Variants in SLC22A15 observed in about 807,000 individuals in gnomAD.
The protein encoded by SLC22A15 is flipt 1.
Under a neutral mutation model 62.7 loss-of-function variants are expected in SLC22A15, and 45 were observed. That is an observed-to-expected ratio of 0.72 (90% CI 0.56 to 0.92). The LOEUF (loss-of-function observed/expected upper bound fraction) is 0.92. Ranked by LOEUF, SLC22A15 falls within the 40% of genes least tolerant of loss-of-function variation. The probability of loss-of-function intolerance (pLI) is 0.00; values close to 1 mark genes in which losing one functional copy is unlikely to be tolerated. For missense variants in SLC22A15, 622 were observed against 665.6 expected, an observed-to-expected ratio of 0.93 and a Z score of 0.72; for synonymous variants, 264 against 267.0, an observed-to-expected ratio of 0.99 and a Z score of 0.11.
At chr1:115,985,962 AAG>A (rs1553215557) in intron 1 of SLC22A15, among the ~76,000 whole-genome samples, 1 of 151,206 alleles carries the variant, frequency 6.6e-6, no homozygotes, top group African/African-American at 2.4e-5. Flanking sequence ...AAAAAAAAAA[AAG>A]AGAGAGAAAC....
intron 6 of SLC22A15, among the ~76,000 whole-genome samples, chr1:116,033,583 G>GTGTGTGTGTGTGTA (rs1553223951): frequency 2.3e-4 from 34 of 145,734 alleles, no homozygotes; most frequent in African/African-American, 4.3e-4. Context: ...GTGTGTGTGT[G>GTGTGTGTGTGTGTA]TGTGTATGTG....
Position 116,046,582 on chromosome 1 carries a change from A to G in SLC22A15, c.1171+9194A>G, listed in dbSNP as rs1225461603. ...GATTGCTGCTCTGACTCAGATGAAC[A>G]GAGCGCTGTGTGGAGGCTCGCATCA... On this transcript the variant is annotated intron_variant, in intron 8 of 11. Transcript: ENST00000369503. Among the ~76,000 whole-genome samples, 4 of 152,206 alleles carry G rather than the reference A, an allele frequency of 2.6e-5. No individual in the cohort carries two copies. In the East Asian group the frequency reaches 7.7e-4, roughly 29 times the overall value.
At chr1:116,045,846 T>C (rs1657917329) in intron 8 of SLC22A15, among the ~76,000 whole-genome samples, 1 of 150,720 alleles carries the variant, frequency 6.6e-6, no homozygotes, top group African/African-American at 2.4e-5. Flanking sequence ...GAGTATGAAA[T>C]AGAACCACAT....
chr1:116,006,131 C>A (rs1203531803), intron 2 of SLC22A15, among the ~76,000 whole-genome samples: 1 of 152,112 alleles, frequency 6.6e-6, no homozygotes, highest in Non-Finnish European at 1.5e-5. Context: ...CTGTATGTAT[C>A]CTAATCTATA....
intron 8 of SLC22A15, among the ~76,000 whole-genome samples, chr1:116,050,020 A>G (rs1189910110): frequency 1.3e-5 from 2 of 152,162 alleles, no homozygotes; most frequent in African/African-American, 4.8e-5. Context: ...GTTCATGGAA[A>G]AATACAACCC....
At chr1:115,982,878 C>T (rs375888222) in intron 1 of SLC22A15, among the ~76,000 whole-genome samples, 1 of 152,208 alleles carries the variant, frequency 6.6e-6, no homozygotes, top group East Asian at 1.9e-4. Flanking sequence ...AAGAGGAAGA[C>T]ATGTTTCTGC....
chr1:116,051,879 G>C lies in SLC22A15; in HGVS notation c.1172-10883G>C, dbSNP rs546788270. On this transcript the variant is annotated intron_variant, in intron 8 of 11. Coordinates refer to ENST00000369503, the MANE Select transcript of SLC22A15 (RefSeq NM_018420.3). ...AACAGTAGCTTTGTTTACAGTCCTG[G>C]GTATGTCTTTATCAGCGGCATGAAA... 3.3e-5 allele frequency among the ~76,000 whole-genome samples: 5 copies of C among 152,244 alleles called. No individual in the cohort carries two copies. In the East Asian group the frequency reaches 9.7e-4, roughly 29 times the overall value.
chr1:116,026,581 TCAGGCAAATGTCAGTACAA>T (rs906373800), intron 4 of SLC22A15, among the ~76,000 whole-genome samples: 4 of 152,232 alleles, frequency 2.6e-5, no homozygotes, highest in African/African-American at 9.6e-5. Context: ...AGCCAGAGGT[TCAGGCAAATGTCAGTACAA>T]CAGGCAATGC....
intron 8 of SLC22A15, among the ~76,000 whole-genome samples, chr1:116,049,398 C>G (rs370273800): frequency 6.6e-6 from 1 of 152,096 alleles, no homozygotes; most frequent in African/African-American, 2.4e-5. Context: ...ATATCAAGCA[C>G]TCTCTCAGAC....
intron 4 of SLC22A15, among the ~76,000 whole-genome samples, chr1:116,022,515 A>G (rs1656890925): frequency 6.6e-6 from 1 of 152,090 alleles, no homozygotes; most frequent in Non-Finnish European, 1.5e-5. Context: ...TTTATATTTG[A>G]TTTTAGTCGT....
chr1:115,985,684 C>A (rs910605167), intron 1 of SLC22A15, among the ~76,000 whole-genome samples: 5 of 151,392 alleles, frequency 3.3e-5, no homozygotes, highest in Non-Finnish European at 7.4e-5. Flanking sequence ...CGCGGTGGCT[C>A]ATGCCTGTAA....
chr1:116,051,182 C>T (rs142961390), intron 8 of SLC22A15, among the ~76,000 whole-genome samples: 1 of 152,176 alleles, frequency 6.6e-6, no homozygotes, highest in East Asian at 1.9e-4. Context: ...TAAAATACCA[C>T]CATCATTCCT....
intron 8 of SLC22A15, among the ~76,000 whole-genome samples, chr1:116,054,606 T>C (rs1483608912): frequency 1.3e-5 from 2 of 152,144 alleles, no homozygotes; most frequent in African/African-American, 4.8e-5. Context: ...AATATACATT[T>C]TTTTGAGCAC....
intron 4 of SLC22A15, among the ~76,000 whole-genome samples, chr1:116,021,449 A>G (rs182908349): frequency 6.7e-4 from 102 of 152,368 alleles, no homozygotes; most frequent in Admixed American, 1.0e-3. Flanking sequence ...AAGGTTATTT[A>G]ATTTCAAATA....
intron 8 of SLC22A15, among the ~76,000 whole-genome samples, chr1:116,051,550 A>G (rs1030180160): frequency 2.0e-5 from 3 of 152,250 alleles, no homozygotes; most frequent in African/African-American, 4.8e-5. Flanking sequence ...TCTCACCTAT[A>G]CAAAAATCAG....
chr1:115,985,731 A>C (rs1049761189), intron 1 of SLC22A15, among the ~76,000 whole-genome samples: 5 of 151,926 alleles, frequency 3.3e-5, no homozygotes, highest in Non-Finnish European at 7.4e-5. Context: ...GGTGGATCAC[A>C]ATGTCAGGAG....
At chr1:115,996,316 TAA>T (rs956500602) in intron 2 of SLC22A15, among the ~76,000 whole-genome samples, 10 of 152,210 alleles carry the variant, frequency 6.6e-5, no homozygotes, top group Non-Finnish European at 1.0e-4. Context: ...CCTTTCCATA[TAA>T]GTTTTAGAAT....
chr1:116,016,140 CCTCTT>C (rs1482656294), intron 2 of SLC22A15, among the ~76,000 whole-genome samples: 3 of 150,620 alleles, frequency 2.0e-5, no homozygotes, highest in Non-Finnish European at 3.0e-5. Flanking sequence ...CTCCTTCTCT[CCTCTT>C]CTCTTCTATC....
chr1:116,057,400 G>A (rs1201177474), intron 8 of SLC22A15, among the ~76,000 whole-genome samples: 1 of 151,780 alleles, frequency 6.6e-6, no homozygotes, highest in African/African-American at 2.4e-5. Context: ...TAAAAAGTCA[G>A]GAAACAACAG....
Sources: allele counts gnomAD v4.1 joint callset (sites outside exome capture counted in the v4.1 genomes callset), GRCh38; gene constraint gnomAD v4.1.1; transcripts MANE v1.5; gene names NCBI Gene and HGNC (gene_info 2026-07-23, HGNC 2026-07-21).